Variants in PTPN2 observed in about 807,000 individuals in gnomAD.
PTPN2 encodes protein tyrosine phosphatase non-receptor type 2, also known as tyrosine-protein phosphatase non-receptor type 2.
A neutral mutation model predicts 57.3 loss-of-function variants in PTPN2; 19 were observed. The observed-to-expected ratio is 0.33, with a 90% confidence interval of 0.23 to 0.49. PTPN2 has a LOEUF of 0.49. Among genes scored for constraint, PTPN2 ranks in the 20% least tolerant of loss-of-function variants. The pLI, the probability that PTPN2 is intolerant of heterozygous loss-of-function variation, is 0.99. For missense variants in PTPN2, 358 were observed against 501.1 expected, an observed-to-expected ratio of 0.71 and a Z score of 2.73; for synonymous variants, 153 against 164.9, an observed-to-expected ratio of 0.93 and a Z score of 0.55.
At chr18:12,877,796 A>C (rs539640614) in intron 1 of PTPN2, among the ~76,000 whole-genome samples, 2 of 151,336 alleles carry the variant, frequency 1.3e-5, no homozygotes, top group Non-Finnish European at 2.9e-5. Context: ...TGGATCACAA[A>C]GTCAGGAGAT....
At position 12,817,343 on chromosome 18, in the gene PTPN2, G is replaced by A. The variant is rs1251890800; in HGVS notation, c.518C>T (p.Ser173Phe). The A allele has an allele frequency of 6.2e-7, 1 of 1,613,538 alleles. No homozygotes were observed. Among genetic ancestry groups the A allele is most frequent in the South Asian group, 1.1e-5 (1 of 91,068 alleles). The stretch of plus-strand genomic sequence containing the variant: ...TGGCCAGGTAGTATAATGAAAGTGA[G>A]ATATTGTTCTGGTTTCACCACTCTA... Reference protein sequence around the residue: ...NINSGETRTISHFHYTTWPDF... With the variant: ...NINSGETRTIFHFHYTTWPDF... The change falls in exon 6 of 9, where the codon TCT becomes TTT. Residue 173 changes from serine to phenylalanine, a missense_variant. Around this residue, in one of 4 missense-constraint regions of PTPN2, gnomAD observed 193 missense variants for 315.4 expected, o/e 0.61. Transcript: ENST00000309660.
chr18:12,860,765 G>A (rs13380882), intron 1 of PTPN2, among the ~76,000 whole-genome samples: 1,698 of 145,804 alleles, frequency 0.012, 24 homozygotes, highest in African/African-American at 0.04. Context: ...AGGCGCCTTC[G>A]GGTTCTCTGC....
In PTPN2 at chr18:12,794,295, G is replaced by GA; in HGVS notation, c.1230dup (p.Gln411SerfsTer9). The GA allele has an allele frequency of 1.9e-6, 3 of 1,614,150 alleles. No individual in the cohort carries two copies. Among genetic ancestry groups the GA allele is most frequent in the African/African-American group, 1.3e-5 (1 of 75,038 alleles). ...TTAATTGTTTATAGGGCATTTTGCT[G>GA]AAAAAACAGTGTCCAGCCAACAAAA... On this transcript the variant is annotated frameshift_variant, in exon 9 of 9. Transcript: ENST00000309660. LOFTEE classifies it high-confidence loss of function.
intron 5 of PTPN2, among the ~76,000 whole-genome samples, chr18:12,824,752 C>T (rs1474363654): frequency 1.3e-5 from 2 of 152,088 alleles, no homozygotes; most frequent in Admixed American, 1.3e-4. Context: ...TGTACCTCAA[C>T]CAAGGCCCAA....
At chr18:12,854,300 C>A (rs2043500866) in intron 2 of PTPN2, among the ~76,000 whole-genome samples, 1 of 142,230 alleles carries the variant, frequency 7.0e-6, no homozygotes, top group Admixed American at 7.6e-5. Flanking sequence ...GCGGAGGTTG[C>A]AGTGAGCCGA....
rs145577856 is a variant in PTPN2 at position 12,826,340 on chromosome 18, T to C, written c.361-396A>G. ...ATCGCTTGAACCCAGGAGGTGGAGG[T>C]TGCAGTGAGCCAAGATCATTCCACT... On this transcript the variant is annotated intron_variant, in intron 4 of 8. Transcript: ENST00000309660. 4.5e-3 allele frequency among the ~76,000 whole-genome samples: 676 copies of C among 150,996 alleles called. 4 individuals are homozygous for C. Among genetic ancestry groups the C allele is most frequent in the African/African-American group, 0.016 (647 of 41,148 alleles).
At chr18:12,837,830 TTTAG>T (rs1466020075) in intron 2 of PTPN2, among the ~76,000 whole-genome samples, 1 of 152,208 alleles carries the variant, frequency 6.6e-6, no homozygotes, top group Non-Finnish European at 1.5e-5. Flanking sequence ...GTAAAATGGC[TTTAG>T]TTTCACACAT....
At chr18:12,788,326 T>C, downstream of PTPN2, among the ~76,000 whole-genome samples, 1 of 151,112 alleles carries the variant, frequency 6.6e-6, no homozygotes, top group East Asian at 2.0e-4. Context: ...CCAAATTGCA[T>C]AATTCCCACC....
chr18:12,874,820 T>C (rs1489406172), intron 1 of PTPN2, among the ~76,000 whole-genome samples: 3 of 152,130 alleles, frequency 2.0e-5, no homozygotes, highest in Non-Finnish European at 2.9e-5. Flanking sequence ...CAACAGCTCA[T>C]TGAGAACAGG....
At chr18:12,806,643 T>C (rs2041661802) in intron 7 of PTPN2, among the ~76,000 whole-genome samples, 2 of 152,002 alleles carry the variant, frequency 1.3e-5, no homozygotes. Flanking sequence ...TAAATCTACG[T>C]ATTTACAGCC....
intron 1 of PTPN2, among the ~76,000 whole-genome samples, chr18:12,862,943 A>C (rs670671): frequency 0.82 from 124,701 of 151,566 alleles, 54,315 homozygotes; most frequent in Non-Finnish European, 0.96. Context: ...CCAAATCTCA[A>C]CAGCAACTAG....
chr18:12,870,311 A>ATATACATATATATGTGTATATATACG (rs2044161155), intron 1 of PTPN2, among the ~76,000 whole-genome samples: 1 of 59,630 alleles, frequency 1.7e-5, no homozygotes, highest in Non-Finnish European at 3.3e-5. Context: ...GTATATATAC[A>ATATACATATATATGTGTATATATACG]TATATATGTG....
At chr18:12,816,147 TAAA>T (rs2042067164) in intron 6 of PTPN2, among the ~76,000 whole-genome samples, 1 of 151,920 alleles carries the variant, frequency 6.6e-6, no homozygotes, top group African/African-American at 2.4e-5. Context: ...CTACTAAAAA[TAAA>T]AAAGCAAAAA....
At chr18:12,807,620 G>A (rs1159122144) in intron 7 of PTPN2, among the ~76,000 whole-genome samples, 39 of 98,670 alleles carry the variant, frequency 4.0e-4, no homozygotes, top group African/African-American at 1.2e-3. Flanking sequence ...AATACTATTT[G>A]GCCATTAAAA....
intron 5 of PTPN2, among the ~76,000 whole-genome samples, chr18:12,822,851 TA>T (rs2042317214): frequency 6.6e-6 from 1 of 152,154 alleles, no homozygotes; most frequent in South Asian, 2.1e-4. Flanking sequence ...ACTGATCAAC[TA>T]AAAAGGTAAT....
intron 5 of PTPN2, among the ~76,000 whole-genome samples, chr18:12,822,983 A>G (rs1263036815): frequency 6.6e-6 from 1 of 152,218 alleles, no homozygotes; most frequent in African/African-American, 2.4e-5. Context: ...CATCTATAGT[A>G]AAGTAATGTG....
rs1335258387 is a variant in PTPN2 at position 12,874,535 on chromosome 18, G to C, written c.69+9538C>G. ...AGCCGCCCCGTCCGGGAGGAAGGTG[G>C]GGGGGGGTCAGCTCCCCGCCCGGCC... On this transcript the variant is annotated intron_variant, in intron 1 of 8. Transcript: ENST00000309660. Among the ~76,000 whole-genome samples the C allele has an allele frequency of 8.8e-5, 10 of 113,682 alleles. 1 individual carries two copies. Among genetic ancestry groups the C allele is most frequent in the African/African-American group, 2.8e-4 (8 of 28,646 alleles). The allele number at this position is 113,682 out of a possible 152,430, so 74.6% of individuals were successfully genotyped here. A position where few individuals can be genotyped will look rare whatever the true frequency, so the allele number is the denominator to read the frequency against.
At chr18:12,831,386 G>A (rs1390787528) in intron 3 of PTPN2, among the ~76,000 whole-genome samples, 1 of 152,192 alleles carries the variant, frequency 6.6e-6, no homozygotes, top group African/African-American at 2.4e-5. Flanking sequence ...GTCAACCTGG[G>A]ATGCTGCTCT....
intron 1 of PTPN2, among the ~76,000 whole-genome samples, chr18:12,871,020 T>C (rs1378143657): frequency 1.3e-5 from 2 of 152,168 alleles, no homozygotes; most frequent in East Asian, 1.9e-4. Context: ...TCTATCCATA[T>C]ATAAGCCAGA....
Sources: allele counts gnomAD v4.1 joint callset (sites outside exome capture counted in the v4.1 genomes callset), GRCh38; gene constraint gnomAD v4.1.1; regional missense constraint gnomAD v4.1.1; transcripts MANE v1.5; gene names NCBI Gene and HGNC (gene_info 2026-07-23, HGNC 2026-07-21).